Variants in HEPH observed in about 807,000 individuals in gnomAD.
The protein encoded by HEPH is hephaestin.
In HEPH, 69 loss-of-function variants were observed where a neutral mutation model predicts 80.8. That is an observed-to-expected ratio of 0.85 (90% CI 0.70 to 1.04). HEPH has a LOEUF of 1.04. HEPH is among the 50% of genes least tolerant of loss of function. HEPH has a pLI of 0.00. For missense variants in HEPH, 1,115 were observed against 891.3 expected (o/e 1.25, Z -3.20); for synonymous variants, 431 against 322.8 (o/e 1.34, Z -3.60).
intron 15 of HEPH, among the ~76,000 whole-genome samples, chrX:66,243,378 T>C (rs944351037): frequency 8.9e-6 from 1 of 112,199 alleles, no homozygotes; most frequent in Non-Finnish European, 1.9e-5. Context: ...AAAAAGCTAG[T>C]TAGGTATTTT....
intron 4 of HEPH, among the ~76,000 whole-genome samples, chrX:66,188,104 A>T (rs1251866435): frequency 9.0e-6 from 1 of 111,503 alleles, no homozygotes; most frequent in Non-Finnish European, 1.9e-5. Flanking sequence ...GGTTGAAGAC[A>T]TAGGCAGGGA....
intron 1 of HEPH, among the ~76,000 whole-genome samples, chrX:66,166,409 G>A (rs2086368695): frequency 9.0e-6 from 1 of 110,974 alleles, no homozygotes; most frequent in Admixed American, 9.6e-5. Context: ...TGGTCAGGCT[G>A]GTCTTGAACT....
rs765734164 is a variant in HEPH at position 66,258,911 on chromosome X, A to G, written c.2968A>G (p.Met990Val). The G allele has an allele frequency of 4.3e-6, 5 of 1,176,316 alleles. No individual in the cohort carries two copies. Among genetic ancestry groups the G allele is most frequent in the South Asian group, 1.9e-5 (1 of 52,010 alleles). The change falls in exon 18 of 21, where the codon ATG (methionine) becomes GTG (valine). Residue 990 changes from methionine (M) to valine (V), a missense_variant. Physicochemically the swap from Met to Val is conservative, Grantham distance 21 (BLOSUM62 1). Coordinates refer to ENST00000343002, the MANE Select transcript of HEPH (RefSeq NM_001367233.3). ...MYQGERVAWYMLAMGQDVDLH... is the reference protein window; with the variant it reads ...MYQGERVAWYVLAMGQDVDLH... The stretch of plus-strand genomic sequence containing the variant: ...CCAAGGAGAACGAGTGGCCTGGTAC[A>G]TGCTGGCCATGGGCCAAGATGTGGA...
In HEPH at chrX:66,255,029, T is replaced by G; in HGVS notation, c.2564-6T>G. On this transcript the variant is annotated splice_polypyrimidine_tract_variant and splice_region_variant and intron_variant, in intron 15 of 20. Coordinates refer to ENST00000343002, the MANE Select transcript of HEPH (RefSeq NM_001367233.3). ...TGCAACTGGAGGTTCCTTGTTACACTTCTAGGTGAGGTGGTCACTTATCAG... is the reference window on the plus strand; with the variant it reads ...TGCAACTGGAGGTTCCTTGTTACACGTCTAGGTGAGGTGGTCACTTATCAG... 8.5e-7 allele frequency: 1 copy of G among 1,182,976 alleles called. No homozygotes were observed. Among genetic ancestry groups the G allele is most frequent in the East Asian group, 3.0e-5 (1 of 33,446 alleles).
intron 9 of HEPH, among the ~76,000 whole-genome samples, 181 bp from the exon 10 acceptor site, chrX:66,197,502 C>T (rs192295457): frequency 9.7e-4 from 108 of 111,660 alleles, no homozygotes; most frequent in African/African-American, 2.9e-3. Flanking sequence ...AATGGAAGAA[C>T]GAGAAAATAA....
At chrX:66,231,265 T>C (rs1198695831) in intron 15 of HEPH, among the ~76,000 whole-genome samples, 1 of 109,091 alleles carries the variant, frequency 9.2e-6, no homozygotes, top group Admixed American at 9.8e-5. Context: ...TGCGGGCTCT[T>C]TTTTGGTTCC....
chrX:66,233,763 A>G (rs1053738765), intron 15 of HEPH, among the ~76,000 whole-genome samples: 1 of 110,822 alleles, frequency 9.0e-6, no homozygotes, highest in Non-Finnish European at 1.9e-5. Context: ...TCCAAAAAGC[A>G]TAACATGGAA....
chrX:66,213,535 A>G (rs2089248806), intron 15 of HEPH, among the ~76,000 whole-genome samples: 1 of 111,832 alleles, frequency 8.9e-6, no homozygotes, highest in African/African-American at 3.2e-5. Flanking sequence ...TTTGGTTAAA[A>G]TTTTTACTAT....
rs2088175079 is a variant in HEPH, at chrX:66,197,664, T to C, written c.1502-19T>C. 5 of 1,157,975 alleles carry C rather than the reference T, an allele frequency of 4.3e-6. No homozygotes were observed. In the Admixed American group the frequency reaches 1.1e-4, roughly 25 times the overall value. Reference sequence around the variant, plus strand: ...CATTCTAGTCAATCTAAGTAATGAGTCCCATATTTTCACTACAGGCTCATC... The same window carrying C: ...CATTCTAGTCAATCTAAGTAATGAGCCCCATATTTTCACTACAGGCTCATC... On this transcript the variant is annotated intron_variant, in intron 9 of 20. Transcript: ENST00000343002.
intron 4 of HEPH, among the ~76,000 whole-genome samples, chrX:66,182,039 G>A (rs1320441891): frequency 4.7e-5 from 5 of 106,474 alleles, no homozygotes; most frequent in Non-Finnish European, 3.9e-5. Flanking sequence ...TGAGGGCTCT[G>A]TTCTGTTCCA....
intron 4 of HEPH, among the ~76,000 whole-genome samples, chrX:66,176,424 C>A (rs780062704): frequency 6.1e-4 from 68 of 111,572 alleles, no homozygotes; most frequent in African/African-American, 2.2e-3. Context: ...TTGTTGGATT[C>A]CATTAGCTTG....
At chrX:66,206,081 A>G (rs1031834888) in intron 13 of HEPH, among the ~76,000 whole-genome samples, 3 of 111,105 alleles carry the variant, frequency 2.7e-5, no homozygotes, top group African/African-American at 9.8e-5. Flanking sequence ...TTTGTAAACT[A>G]GACAGAATCC....
rs750168109 is a variant in HEPH at position 66,266,524 on chromosome X, C to A, written c.3329C>A (p.Ser1110Tyr). The A allele has an allele frequency of 8.3e-7, 1 of 1,207,020 alleles. No homozygotes were observed. Among genetic ancestry groups the A allele is most frequent in the Non-Finnish European group, 1.1e-6 (1 of 893,885 alleles). ...ATAAAGAATGTTGAGATGCTGGCCT[C>A]TGTTTTGGTTGCCATTAGTGTCACC... is the stretch of plus-strand genomic sequence containing the variant. Reference protein sequence around the residue: ...IPIKNVEMLASVLVAISVTLL... With the variant: ...IPIKNVEMLAYVLVAISVTLL... Residue 1110 changes from serine to tyrosine, a missense_variant, in exon 21 of 21, where the codon TCT becomes TAT. Transcript: ENST00000343002.
In HEPH at chrX:66,258,949, C is replaced by T. The variant is rs1375639714; in HGVS notation, c.3006C>T (p.Ile1002=). Residue 1002 remains isoleucine, a synonymous_variant, in exon 18 of 21, where the codon ATC becomes ATT. Transcript: ENST00000343002. ...AMGQDVDLHT[I]HFHAESFLYR... is the part of the protein sequence containing the mutation. ...GCCAAGATGTGGATCTACACACCATCCACTTTCATGCAGAGAGCTTCCTCT... is the reference window on the plus strand; with the variant it reads ...GCCAAGATGTGGATCTACACACCATTCACTTTCATGCAGAGAGCTTCCTCT... 11 of 1,201,241 alleles carry T rather than the reference C, an allele frequency of 9.2e-6. No homozygotes were observed. The highest frequency in any genetic ancestry group is 3.5e-5 in the African/African-American group (2 of 56,845).
chrX:66,199,050 TG>T (rs1569321611), intron 11 of HEPH, 22 bp downstream of exon 11: 2 of 1,189,215 alleles, frequency 1.7e-6, no homozygotes, highest in African/African-American at 3.5e-5. Context: ...ACTTTTGCCC[TG>T]GGCTAAATTG....
chrX:66,197,040 G>A (rs2088140169), intron 9 of HEPH, among the ~76,000 whole-genome samples: 1 of 109,045 alleles, frequency 9.2e-6, no homozygotes, highest in South Asian at 3.9e-4. Context: ...TAAAATCTTT[G>A]CTAAATTAAT....
At chrX:66,232,381 A>C (rs899287997) in intron 15 of HEPH, among the ~76,000 whole-genome samples, 21 of 112,014 alleles carry the variant, frequency 1.9e-4, no homozygotes, top group Non-Finnish European at 3.9e-4. Flanking sequence ...TGCAGAAGGC[A>C]TACAGCTTCT....
At chrX:66,223,188 G>A (rs1399754503) in intron 15 of HEPH, among the ~76,000 whole-genome samples, 1 of 111,389 alleles carries the variant, frequency 9.0e-6, no homozygotes, top group African/African-American at 3.3e-5. Context: ...TGGTACCTGT[G>A]CTAAAAGACT....
intron 15 of HEPH, among the ~76,000 whole-genome samples, chrX:66,238,231 A>G (rs1365452416): frequency 9.1e-6 from 1 of 109,881 alleles, no homozygotes; most frequent in Non-Finnish European, 1.9e-5. Flanking sequence ...GTACTTCAGT[A>G]TTTTTCTGGA....
Sources: allele counts gnomAD v4.1 joint callset (sites outside exome capture counted in the v4.1 genomes callset), GRCh38; gene constraint gnomAD v4.1.1; transcripts MANE v1.5; gene names NCBI Gene and HGNC (gene_info 2026-07-23, HGNC 2026-07-21).